MROH2A: variants seen among roughly 807,000 people sequenced by gnomAD.
MROH2A encodes the protein maestro heat like repeat family member 2A, also known as maestro heat-like repeat-containing protein family member 2A.
Under a neutral mutation model 200.4 loss-of-function variants are expected in MROH2A, and 174 were observed. That is an observed-to-expected ratio of 0.87 (90% confidence interval 0.77 to 0.98). The LOEUF (loss-of-function observed/expected upper bound fraction) is 0.98, where lower values mean the gene tolerates loss of function less well. Among genes scored for constraint, MROH2A ranks in the 50% least tolerant of loss-of-function variants. MROH2A has a pLI of 0.00. For missense variants in MROH2A, 2,045 were observed against 2,139.6 expected, an observed-to-expected ratio of 0.96 and a Z score of 0.87; for synonymous variants, 829 against 840.4, an observed-to-expected ratio of 0.99 and a Z score of 0.23.
At chr2:233,800,003 G>A (rs2126124632) in intron 13 of MROH2A, 104 bp downstream of exon 13, 18 of 1,435,816 alleles carry the variant, frequency 1.3e-5, no homozygotes, top group East Asian at 1.2e-4. Context: ...TCAAACCTGC[G>A]TATCCATTCA....
intron 28 of MROH2A, 124 bp from the exon 29 acceptor site, chr2:233,818,528 C>T: frequency 2.8e-6 from 2 of 724,926 alleles, no homozygotes; most frequent in East Asian, 2.7e-5. Flanking sequence ...GTCAGAACGC[C>T]TGGGACGTTC....
chr2:233,788,106 CAT>C (rs374874745), intron 3 of MROH2A, among the ~76,000 whole-genome samples: 3 of 74,844 alleles, frequency 4.0e-5, no homozygotes, highest in African/African-American at 1.1e-4. Flanking sequence ...ATTATATATA[CAT>C]ATATATTATA....
At chr2:233,808,763 G>A (rs1039232754) in intron 21 of MROH2A, among the ~76,000 whole-genome samples, 4 of 152,192 alleles carry the variant, frequency 2.6e-5, no homozygotes, top group African/African-American at 9.7e-5. Context: ...ATGTGTGCCT[G>A]ACCCATAGCC....
In MROH2A at chr2:233,789,517, C is replaced by T; in HGVS notation, c.297C>T (p.Val99=). The stretch of plus-strand genomic sequence containing the variant: ...CCCAGATTTCCACCCAGCGCAAGGT[C>T]AACATTTACAACATCCTCCAGGACA... The part of the protein sequence containing the change: ...QVPEISTQRK[V]NIYNILQDII... Residue 99 remains valine, a synonymous_variant, in exon 4 of 42, where the codon GTC becomes GTT. Coordinates refer to ENST00000389758, the MANE Select transcript of MROH2A (RefSeq NM_001394639.1). The T allele has an allele frequency of 6.9e-7, 1 of 1,450,046 alleles. No homozygotes were observed. Among genetic ancestry groups the T allele is most frequent in the Non-Finnish European group, 9.1e-7 (1 of 1,098,786 alleles). The allele number at this position is 1,450,046 out of a possible 1,614,324, so 89.8% of individuals were successfully genotyped here.
chr2:233,826,017 C>T lies in MROH2A; in HGVS notation c.4113+2353C>T, dbSNP rs191066448. 2.3e-3 allele frequency among the ~76,000 whole-genome samples: 353 copies of T among 150,864 alleles called. 2 individuals are homozygous for T. The highest frequency in any genetic ancestry group is 8.0e-3 in the African/African-American group (330 of 41,024). ...TCAGCTCACTGCAACCTCCACCTCC[C>T]GGGTTCAAGCAATTCTCCTGCCTCA... On this transcript the variant is annotated intron_variant, in intron 35 of 41. Transcript: ENST00000389758.
rs571630210 is a variant in MROH2A at position 233,818,247 on chromosome 2, C to T, written c.3085+122C>T. ...GCCTCTGTGCAGGCAGGCATGGAGA[C>T]AAACACAGGTGACCATCAGAGGGAG... On this transcript the variant is annotated intron_variant, in intron 28 of 41. Coordinates refer to ENST00000389758, the MANE Select transcript of MROH2A (RefSeq NM_001394639.1). 5.8e-6 allele frequency: 7 copies of T among 1,212,496 alleles called. No individual in the cohort carries two copies. The East Asian group carries it at 1.3e-4, about 22-fold the overall frequency. 75.1% of individuals were successfully genotyped at this position (1,212,496 alleles called of 1,614,324 possible). A position where few individuals can be genotyped will look rare whatever the true frequency, so the allele number is the denominator to read the frequency against.
rs1257109900 is a variant in MROH2A at position 233,802,282 on chromosome 2, G to T, written c.1675G>T (p.Val559Leu). Residue 559 changes from valine (V) to leucine (L), a missense_variant, in exon 15 of 42, where the codon GTG becomes TTG. By Grantham distance (32) the Val-to-Leu change is conservative (BLOSUM62 1). Around this residue, in one of 3 missense-constraint regions of MROH2A, gnomAD observed 831 missense variants for 800.0 expected, o/e 1.04. Coordinates refer to ENST00000389758, the MANE Select transcript of MROH2A (RefSeq NM_001394639.1). ...LAEHQLHGQD[V>L]DVSVAGKSRQ... ...AGAACACCAGCTCCATGGCCAGGATGTGGATGTCAGCGTGGCTGGCAAGAG... is the reference window on the plus strand; with the variant it reads ...AGAACACCAGCTCCATGGCCAGGATTTGGATGTCAGCGTGGCTGGCAAGAG... The T allele has an allele frequency of 6.4e-7, 1 of 1,550,488 alleles. No homozygotes were observed. The highest frequency in any genetic ancestry group is 2.0e-5 in the Admixed American group (1 of 50,992).
chr2:233,810,010 C>T (rs1703050991), intron 22 of MROH2A, among the ~76,000 whole-genome samples: 1 of 152,112 alleles, frequency 6.6e-6, no homozygotes, highest in African/African-American at 2.4e-5. Context: ...GATAGTTGTC[C>T]TTGTGTGTCT....
chr2:233,822,708 A>G, intron 33 of MROH2A, 152 bp downstream of exon 33: 1 of 1,129,222 alleles, frequency 8.9e-7, no homozygotes, highest in Non-Finnish European at 1.3e-6. Flanking sequence ...CATGTGTGTC[A>G]AGCACGGTGT....
chr2:233,823,656 G>T lies in MROH2A; in HGVS notation c.4105G>T (p.Ala1369Ser), dbSNP rs1409617252. ...CCTGAGCTGCCGCATCAGCAGCACA[G>T]CGGTCTGCGTGGAAATGAGGCACCG... ...EVLSCRISST[A>S]VCFMSGPVLY... The change falls in exon 35 of 42, where the codon GCG becomes TCG. Residue 1369 changes from alanine to serine, a missense_variant. By Grantham distance (99) the Ala-to-Ser change is moderately conservative. Coordinates refer to ENST00000389758, the MANE Select transcript of MROH2A (RefSeq NM_001394639.1). 1.3e-6 allele frequency: 2 copies of T among 1,550,418 alleles called. No individual in the cohort carries two copies. The highest frequency in any genetic ancestry group is 2.0e-5 in the Admixed American group (1 of 51,006).
rs1227167996 is a variant in MROH2A, at chr2:233,790,018, G to A, written c.571+4G>A. On this transcript the variant is annotated splice_donor_region_variant and intron_variant, in intron 5 of 41. Transcript: ENST00000389758. ...GCCAAGCTGGCCAACGGCAATGGTA[G>A]GGGCTTGAGGGCCCTCAGCCGGGCC... 1.9e-6 allele frequency: 3 copies of A among 1,541,402 alleles called. No homozygotes were observed. The South Asian group carries it at 3.6e-5, about 19-fold the overall frequency.
At position 233,807,494 on chromosome 2, in the gene MROH2A, G is replaced by C. The variant is rs1375984835; in HGVS notation, c.2124G>C (p.Leu708=). 7.7e-6 allele frequency: 12 copies of C among 1,550,512 alleles called. No individual in the cohort carries two copies. In the East Asian group the frequency reaches 1.5e-4, roughly 19 times the overall value. The change falls in exon 20 of 42, where the codon CTG becomes CTC. Residue 708 remains leucine, a synonymous_variant. Transcript: ENST00000389758. This position sits in a 1 kb window ranked among gnomAD's most constrained non-coding sequence, Gnocchi z 4.3. Reference sequence around the variant, plus strand: ...AGGCCAGCAAGGTGGAGGTCCTGCTGTTGGAGCTGCTGTACAAGACGGACT... The same window carrying C: ...AGGCCAGCAAGGTGGAGGTCCTGCTCTTGGAGCTGCTGTACAAGACGGACT... ...GLEASKVEVL[L]LELLYKTDYS... is the part of the protein sequence containing the mutation.
chr2:233,806,752 A>T (rs977482384), intron 19 of MROH2A, among the ~76,000 whole-genome samples: 2 of 152,140 alleles, frequency 1.3e-5, no homozygotes, highest in Non-Finnish European at 2.9e-5. Flanking sequence ...GCCCTTATGT[A>T]GTCTGACCTC....
intron 28 of MROH2A, 83 bp from the exon 29 acceptor site, chr2:233,818,569 G>A (rs1703709053): frequency 1.2e-6 from 1 of 862,948 alleles, no homozygotes; most frequent in South Asian, 1.4e-5. Flanking sequence ...GGCCTGCAAA[G>A]CCAGGGCAGG....
In MROH2A at chr2:233,819,378, A is replaced by C; in HGVS notation, c.3266A>C (p.Asn1089Thr). 1.9e-6 allele frequency: 3 copies of C among 1,550,550 alleles called. No individual in the cohort carries two copies. The highest frequency in any genetic ancestry group is 2.6e-6 in the Non-Finnish European group (3 of 1,146,934). The part of the protein sequence containing the change: ...VVSLIQKLCE[N>T]TGAMNLQHDK... ...TCGCTCATCCAGAAGCTCTGCGAGA[A>C]CACTGGGGCCATGAACCTGCAGCAT... is the stretch of plus-strand genomic sequence containing the variant. The change falls in exon 30 of 42, where the codon AAC becomes ACC. Residue 1089 changes from asparagine (N) to threonine (T), a missense_variant. This residue lies in a region of MROH2A where 1,201 missense variants were observed against 1,311.3 expected (regional missense o/e 0.92). Coordinates refer to ENST00000389758, the MANE Select transcript of MROH2A (RefSeq NM_001394639.1).
At position 233,799,762 on chromosome 2, in the gene MROH2A, A is replaced by G; in HGVS notation, c.1330-18A>G. ...GCCCACCCCAACCCCCAGCATGTCC[A>G]CGGTCCTGTCCCCTCAGGTGAGGAT... On this transcript the variant is annotated intron_variant, in intron 12 of 41. Coordinates refer to ENST00000389758, the MANE Select transcript of MROH2A (RefSeq NM_001394639.1). 2 of 1,550,164 alleles carry G rather than the reference A, an allele frequency of 1.3e-6. No homozygotes were observed. The highest frequency in any genetic ancestry group is 1.7e-6 in the Non-Finnish European group (2 of 1,146,882).
At chr2:233,784,687 C>A (rs1422148899) in intron 3 of MROH2A, among the ~76,000 whole-genome samples, 1 of 152,220 alleles carries the variant, frequency 6.6e-6, no homozygotes, top group Non-Finnish European at 1.5e-5. Context: ...GATGCACTGG[C>A]TCCCCTTTTG....
chr2:233,821,237 G>T (rs1246934690), intron 31 of MROH2A, among the ~76,000 whole-genome samples: 1 of 152,206 alleles, frequency 6.6e-6, no homozygotes, highest in Admixed American at 6.5e-5. Context: ...AGAGCCTGGG[G>T]TTGTCTTCCA....
chr2:233,779,760 A>G lies in MROH2A; in HGVS notation c.184A>G (p.Lys62Glu). 6.4e-7 allele frequency: 1 copy of G among 1,550,946 alleles called. No individual in the cohort carries two copies. The highest frequency in any genetic ancestry group is 8.7e-7 in the Non-Finnish European group (1 of 1,147,078). ...DTTGAGLDMRKTLASVIIMEK... is the reference protein window; with the variant it reads ...DTTGAGLDMRETLASVIIMEK... ...AACAGGGGCAGGCCTTGACATGCGG[A>G]AGACCCTGGCCTCGGTGATAATCAT... The change falls in exon 3 of 42, where the codon AAG (lysine) becomes GAG (glutamate). Residue 62 changes from lysine (K) to glutamate (E), a missense_variant. Lys to Glu is a moderately conservative substitution (Grantham distance 56, BLOSUM62 1). This residue lies in a region of MROH2A where 831 missense variants were observed against 800.0 expected (regional missense o/e 1.04). Transcript: ENST00000389758.
Sources: gnomAD v4.1 joint callset for allele counts (sites outside exome capture counted in the v4.1 genomes callset) on GRCh38, gnomAD v4.1.1 for gene constraint, gnomAD v4.1.1 regional missense constraint, Gnocchi (gnomAD v3.1) non-coding constraint, MANE v1.5 for transcripts, NCBI Gene and HGNC (gene_info 2026-07-23, HGNC 2026-07-21) for gene names.